ZSCAN31: variants seen among roughly 807,000 people sequenced by gnomAD.
The protein encoded by ZSCAN31 is zinc finger and SCAN domain-containing protein 31.
A neutral mutation model predicts 22.5 loss-of-function variants in ZSCAN31; 14 were observed. The ratio of observed to expected loss-of-function variants is 0.62; its 90% confidence interval spans 0.41 to 0.97. The LOEUF (loss-of-function observed/expected upper bound fraction) is 0.97. Ranked by LOEUF, ZSCAN31 falls within the 50% of genes least tolerant of loss-of-function variation. The pLI is 0.00. For missense variants in ZSCAN31, 424 were observed against 483.4 expected (o/e 0.88, Z 1.15); for synonymous variants, 168 against 169.8 (o/e 0.99, Z 0.08).
At chr6:28,354,100 T>A (rs746414024) in intron 1 of ZSCAN31, 4 of 369,808 alleles carry the variant, frequency 1.1e-5, no homozygotes, top group Non-Finnish European at 2.2e-5. Flanking sequence ...ACAGCTGTAC[T>A]CCTTGGCATG....
At position 28,333,036 on chromosome 6, in the gene ZSCAN31, T is replaced by C. The variant is rs938034473; in HGVS notation, c.-96+3046A>G. On this transcript the variant is annotated intron_variant, in intron 1 of 3. Transcript: ENST00000344279. The surrounding 1 kb of genome is among the most constrained non-coding windows in gnomAD (Gnocchi z 4.1). ...ACCAGAAACACAAACACAGAGTAGTTAGTGGAGTTGATGACTTGACTGCAG... is the reference window on the plus strand; with the variant it reads ...ACCAGAAACACAAACACAGAGTAGTCAGTGGAGTTGATGACTTGACTGCAG... Among the ~76,000 whole-genome samples, 1 of 152,208 alleles carries C rather than the reference T, an allele frequency of 6.6e-6. No homozygotes were observed. The highest frequency in any genetic ancestry group is 1.5e-5 in the Non-Finnish European group (1 of 68,032).
At chr6:28,330,701 T>C (rs1348752686) in intron 1 of ZSCAN31, among the ~76,000 whole-genome samples, 1 of 152,140 alleles carries the variant, frequency 6.6e-6, no homozygotes, top group Non-Finnish European at 1.5e-5. Flanking sequence ...CTGGGCAATA[T>C]GTGTATATGG....
intron 1 of ZSCAN31, chr6:28,335,729 C>T (rs116286132): frequency 6.6e-5 from 10 of 152,372 alleles, no homozygotes; most frequent in African/African-American, 2.4e-4. Flanking sequence ...TCCATAAAAA[C>T]CCCAGAACGG....
chr6:28,353,952 G>A (rs1308620626), exon 2 of ZSCAN31: 3 of 455,028 alleles, frequency 6.6e-6, no homozygotes, highest in Non-Finnish European at 1.3e-5. Flanking sequence ...AACACTCGGG[G>A]CTGTAGGCAG....
chr6:28,345,953 C>G (rs922418491), intron 2 of ZSCAN31, among the ~76,000 whole-genome samples: 1 of 152,172 alleles, frequency 6.6e-6, no homozygotes, highest in South Asian at 2.1e-4. Flanking sequence ...TGCAACTATG[C>G]GTGCCTGGGA....
Position 28,325,511 on chromosome 6 carries a change from A to G in ZSCAN31, c.*655T>C, listed in dbSNP as rs1414325318. On this transcript the variant is annotated 3_prime_UTR_variant, in exon 4 of 4. Coordinates refer to ENST00000344279, the MANE Select transcript of ZSCAN31 (RefSeq NM_030899.5). ...ACATATATATTGATTCGTATCAAAA[A>G]CATGAGTTAGATATGAAATGAGACA... The G allele has an allele frequency of 6.6e-6, 1 of 151,836 alleles. No homozygotes were observed. Among genetic ancestry groups the G allele is most frequent in the Admixed American group, 6.6e-5 (1 of 15,230 alleles). The allele number at this position is 151,836 out of a possible 1,614,324, so 9.4% of individuals were successfully genotyped here. A position where few individuals can be genotyped will look rare whatever the true frequency, so the allele number is the denominator to read the frequency against.
Position 28,351,351 on chromosome 6 carries a change from C to A in ZSCAN31, c.-371+2511G>T, listed in dbSNP as rs1347903414. On this transcript the variant is annotated intron_variant, in intron 2 of 7. Coordinates refer to the ZSCAN31 transcript ENST00000396838. The surrounding 1 kb of genome is among the most constrained non-coding windows in gnomAD (Gnocchi z 4.6). Reference sequence around the variant, plus strand: ...CCCCACCGTGGACACCCTCCTCATTCCACTTGGGCTCCAGATTCACTCTGG... The same window carrying A: ...CCCCACCGTGGACACCCTCCTCATTACACTTGGGCTCCAGATTCACTCTGG... 7.2e-5 allele frequency among the ~76,000 whole-genome samples: 11 copies of A among 152,300 alleles called. No individual in the cohort carries two copies. In the East Asian group the frequency reaches 2.1e-3, roughly 29 times the overall value.
chr6:28,328,996 T>C (rs1173076898), intron 2 of ZSCAN31, among the ~76,000 whole-genome samples: 2 of 152,102 alleles, frequency 1.3e-5, no homozygotes, highest in Non-Finnish European at 2.9e-5. Flanking sequence ...CCACCTGACA[T>C]GTTGTGAGGG....
At position 28,325,674 on chromosome 6, in the gene ZSCAN31, A is replaced by G. The variant is rs1026613284; in HGVS notation, c.*492T>C. On this transcript the variant is annotated 3_prime_UTR_variant, in exon 4 of 4. Transcript: ENST00000344279. Reference sequence around the variant, plus strand: ...AATGTGGACGATTCTTATTCCCCAAAACCTTACATTTGTTTAAAATGTCAC... The same window carrying G: ...AATGTGGACGATTCTTATTCCCCAAGACCTTACATTTGTTTAAAATGTCAC... The G allele has an allele frequency of 2.6e-5, 4 of 153,130 alleles. No homozygotes were observed. Among genetic ancestry groups the G allele is most frequent in the Non-Finnish European group, 4.4e-5 (3 of 68,734 alleles). 9.5% of individuals were successfully genotyped at this position (153,130 alleles called of 1,614,324 possible). A position where few individuals can be genotyped will look rare whatever the true frequency, so the allele number is the denominator to read the frequency against.
chr6:28,329,085 C>A (rs1350617179), intron 2 of ZSCAN31, among the ~76,000 whole-genome samples: 1 of 152,174 alleles, frequency 6.6e-6, no homozygotes, highest in African/African-American at 2.4e-5. Flanking sequence ...GTAGCTGAGG[C>A]CCCCTACCAA....
intron 3 of ZSCAN31, among the ~76,000 whole-genome samples, chr6:28,341,361 G>T (rs543969337): frequency 6.6e-6 from 1 of 152,220 alleles, no homozygotes; most frequent in Admixed American, 6.5e-5. Flanking sequence ...TTGGCATAGA[G>T]TGAAAGCTTC....
At chr6:28,336,615 GGTTAGGGCCGTTA>G (rs1367386200), upstream of ZSCAN31, among the ~76,000 whole-genome samples, 3 of 152,170 alleles carry the variant, frequency 2.0e-5, no homozygotes, top group Non-Finnish European at 4.4e-5. Flanking sequence ...GGACAGATGT[GGTTAGGGCCGTTA>G]GGCTCTGTTG....
Position 28,333,218 on chromosome 6 carries a change from G to C in ZSCAN31, c.-96+2864C>G, listed in dbSNP as rs1407148850. On this transcript the variant is annotated intron_variant, in intron 1 of 3. Transcript: ENST00000344279. The surrounding 1 kb of genome is among the most constrained non-coding windows in gnomAD (Gnocchi z 4.1). ...GAAAAATAAAAGGTAGTTGACTGCT[G>C]ACTCAGCTTATGACTTTATCAGCAA... Among the ~76,000 whole-genome samples, 2 of 152,208 alleles carry C rather than the reference G, an allele frequency of 1.3e-5. No individual in the cohort carries two copies. The highest frequency in any genetic ancestry group is 4.8e-5 in the African/African-American group (2 of 41,444).
rs563500619 is a variant in ZSCAN31 at position 28,331,754 on chromosome 6, T to C, written c.-95-1976A>G. Among the ~76,000 whole-genome samples the C allele has an allele frequency of 6.6e-6, 1 of 152,208 alleles. No individual in the cohort carries two copies. The highest frequency in any genetic ancestry group is 1.5e-5 in the Non-Finnish European group (1 of 68,038). On this transcript the variant is annotated intron_variant, in intron 1 of 3. Coordinates refer to ENST00000344279, the MANE Select transcript of ZSCAN31 (RefSeq NM_030899.5). The surrounding 1 kb of genome is among the most constrained non-coding windows in gnomAD (Gnocchi z 4.8). ...ATGGCCTTAGGTTTATAGGCAAAAA[T>C]TGTTCTGCAAATATGCGTTCTGCAC...
chr6:28,335,276 G>A (rs1205036839), intron 1 of ZSCAN31: 4 of 152,146 alleles, frequency 2.6e-5, no homozygotes, highest in Non-Finnish European at 4.4e-5. Flanking sequence ...ACTAGCACAG[G>A]GTGTTGTGCC....
At position 28,335,315 on chromosome 6, in the gene ZSCAN31, G is replaced by GAAAAACCTCGGGCCCATTTGGAT. The variant is rs562465067; in HGVS notation, c.-96+744_-96+766dup. On this transcript the variant is annotated intron_variant, in intron 1 of 3. Coordinates refer to ENST00000344279, the MANE Select transcript of ZSCAN31 (RefSeq NM_030899.5). ...AGATATGCCCACGGCTGCATAGATA[G>GAAAAACCTCGGGCCCATTTGGAT]AAAAACCTCGGGCCCATTTGGATAA... is the stretch of plus-strand genomic sequence containing the variant. 3.8e-4 allele frequency: 58 copies of GAAAAACCTCGGGCCCATTTGGAT among 152,374 alleles called. No homozygotes were observed. In the East Asian group the frequency reaches 0.01, roughly 27 times the overall value. 9.4% of individuals were successfully genotyped at this position (152,374 alleles called of 1,614,324 possible).
At chr6:28,337,721 TTTGAGAAAAGGAATACAA>T (rs1285775463), upstream of ZSCAN31, 1 of 152,128 alleles carries the variant, frequency 6.6e-6, no homozygotes, top group Non-Finnish European at 1.5e-5. Flanking sequence ...AGAGACCTTA[TTTGAGAAAAGGAATACAA>T]AATTACAAGT....
At position 28,349,476 on chromosome 6, in the gene ZSCAN31, T is replaced by G. The variant is rs1431969010; in HGVS notation, c.-371+4386A>C. Reference sequence around the variant, plus strand: ...ATTTGAGTGTTAGATTATCTTGGATTTTTTATGTAAACCACGCAGCATGTT... The same window carrying G: ...ATTTGAGTGTTAGATTATCTTGGATGTTTTATGTAAACCACGCAGCATGTT... On this transcript the variant is annotated intron_variant, in intron 2 of 7. Transcript: ENST00000396838. The surrounding 1 kb of genome is among the most constrained non-coding windows in gnomAD (Gnocchi z 4.1). Among the ~76,000 whole-genome samples the G allele has an allele frequency of 6.6e-6, 1 of 152,174 alleles. No homozygotes were observed. The highest frequency in any genetic ancestry group is 1.5e-5 in the Non-Finnish European group (1 of 68,040).
At chr6:28,339,950 AT>A (rs1301438989), upstream of ZSCAN31, among the ~76,000 whole-genome samples, 2 of 97,096 alleles carry the variant, frequency 2.1e-5, no homozygotes, top group South Asian at 3.3e-4. Context: ...TGTAGAATCC[AT>A]TTTTTCCCCT....
Sources: gnomAD v4.1 joint callset for allele counts (sites outside exome capture counted in the v4.1 genomes callset) on GRCh38, gnomAD v4.1.1 for gene constraint, Gnocchi (gnomAD v3.1) non-coding constraint, MANE v1.5 for transcripts, NCBI Gene and HGNC (gene_info 2026-07-23, HGNC 2026-07-21) for gene names.